ANKRD28: variants seen among roughly 807,000 people sequenced by gnomAD.
The protein encoded by ANKRD28 is serine/threonine-protein phosphatase 6 regulatory ankyrin repeat subunit A.
Under a neutral mutation model 126.5 loss-of-function variants are expected in ANKRD28, and 44 were observed. The observed-to-expected ratio is 0.35, with a 90% CI of 0.27 to 0.45. ANKRD28 has a LOEUF of 0.45. ANKRD28 is among the 20% of genes least tolerant of loss of function. The probability of loss-of-function intolerance (pLI) is 1.00; values close to 1 mark genes in which losing one functional copy is unlikely to be tolerated. For missense variants in ANKRD28, 1,110 were observed against 1,316.6 expected (o/e 0.84, Z 2.43); for synonymous variants, 442 against 468.5 (o/e 0.94, Z 0.73).
chr3:15,766,401 C>T, intron 2 of ANKRD28, 89 bp from the exon 3 acceptor site: 1 of 866,316 alleles, frequency 1.2e-6, no homozygotes, highest in Non-Finnish European at 1.8e-6. Context: ...AACCCCTCCC[C>T]CCACCAAACC....
chr3:15,709,344 A>G (rs1326513523), intron 13 of ANKRD28, among the ~76,000 whole-genome samples: 10 of 152,046 alleles, frequency 6.6e-5, no homozygotes, highest in Non-Finnish European at 1.2e-4. Flanking sequence ...AGGTATTGTG[A>G]GTTTCTTGAA....
At chr3:15,802,133 G>A (rs2060476157), upstream of ANKRD28, among the ~76,000 whole-genome samples, 1 of 152,104 alleles carries the variant, frequency 6.6e-6, no homozygotes, top group African/African-American at 2.4e-5. Flanking sequence ...TTGTAGCTAG[G>A]AGCCACATGA....
chr3:15,763,376 C>CT (rs1430400710), intron 3 of ANKRD28, among the ~76,000 whole-genome samples: 1 of 152,176 alleles, frequency 6.6e-6, no homozygotes, highest in Non-Finnish European at 1.5e-5. Flanking sequence ...GAGACACAGT[C>CT]TAAGCTTATA....
chr3:15,796,348 A>T, intron 1 of ANKRD28, 57 bp downstream of exon 1: 1 of 1,014,254 alleles, frequency 9.9e-7, no homozygotes, highest in South Asian at 2.1e-5. Context: ...TTAAAAAACA[A>T]GATTTATACT....
intron 1 of ANKRD28, among the ~76,000 whole-genome samples, chr3:15,841,494 C>T (rs1467237763): frequency 6.6e-6 from 1 of 151,832 alleles, no homozygotes; most frequent in Non-Finnish European, 1.5e-5. Context: ...GAAGAGACAA[C>T]CCATAGAATG....
chr3:15,835,562 A>C (rs1181667242), intron 1 of ANKRD28, among the ~76,000 whole-genome samples: 1 of 152,220 alleles, frequency 6.6e-6, no homozygotes, highest in Non-Finnish European at 1.5e-5. Context: ...CTGAGGACAG[A>C]ACTCTGTATA....
intron 1 of ANKRD28, among the ~76,000 whole-genome samples, chr3:15,825,133 C>T (rs1489138351): frequency 6.6e-6 from 1 of 152,114 alleles, no homozygotes; most frequent in Non-Finnish European, 1.5e-5. Flanking sequence ...ACTACATTTC[C>T]CAGAATCTCT....
rs1342250599 is a variant in ANKRD28 at position 15,690,020 on chromosome 3, T to C, written c.1962A>G (p.Ala654=). 6.2e-7 allele frequency: 1 copy of C among 1,604,542 alleles called. No homozygotes were observed. Among genetic ancestry groups the C allele is most frequent in the Non-Finnish European group, 8.5e-7 (1 of 1,174,736 alleles). Residue 654 remains alanine, a splice_region_variant and synonymous_variant, in exon 18 of 28, where the codon GCA becomes GCG. Transcript: ENST00000683139. ...AATCAAGCATAATATCTGGCATACC[T>C]GCTGCATGAATAGGTGTCCTCTTCA... ...YILKRTPIHA[A]ATNGHSECLR...
intron 3 of ANKRD28, among the ~76,000 whole-genome samples, chr3:15,762,883 G>A (rs1469408744): frequency 6.6e-6 from 1 of 151,932 alleles, no homozygotes; most frequent in African/African-American, 2.4e-5. Flanking sequence ...CATTTTTTTA[G>A]ATGAGGAAGT....
chr3:15,674,248 G>T (rs1236256404), intron 27 of ANKRD28, among the ~76,000 whole-genome samples: 1 of 146,534 alleles, frequency 6.8e-6, no homozygotes, highest in African/African-American at 2.5e-5. Context: ...ACTTTAAAAG[G>T]ATCCAGGTCA....
chr3:15,706,556 G>T (rs2071453845), intron 14 of ANKRD28, among the ~76,000 whole-genome samples: 1 of 152,120 alleles, frequency 6.6e-6, no homozygotes, highest in Admixed American at 6.6e-5. Context: ...ACATACGTGT[G>T]CATGTGTCTT....
intron 6 of ANKRD28, among the ~76,000 whole-genome samples, chr3:15,730,817 GA>G (rs2074534869): frequency 6.6e-6 from 1 of 152,176 alleles, no homozygotes. Flanking sequence ...TGTGTCCTCC[GA>G]AGTTCATATG....
At chr3:15,782,566 G>A (rs1460148934) in intron 2 of ANKRD28, among the ~76,000 whole-genome samples, 2 of 152,012 alleles carry the variant, frequency 1.3e-5, no homozygotes, top group Non-Finnish European at 2.9e-5. Flanking sequence ...AACTAAATTT[G>A]AAATACAGTC....
At position 15,749,095 on chromosome 3, in the gene ANKRD28, G is replaced by GTTTTTTTTTTTTTTTT. The variant is rs1357402514; in HGVS notation, c.351+2654_351+2655insAAAAAAAAAAAAAAAA. 3.1e-4 allele frequency among the ~76,000 whole-genome samples: 33 copies of GTTTTTTTTTTTTTTTT among 106,988 alleles called. 10 individuals are homozygous for GTTTTTTTTTTTTTTTT. The highest frequency in any genetic ancestry group is 1.7e-3 in the East Asian group (5 of 3,030). 70.2% of individuals were successfully genotyped at this position (106,988 alleles called of 152,430 possible). ...ATTTTCCTTTCATATTCTATATTAT[G>GTTTTTTTTTTTTTTTT]TTTTTGTTTTTTTTTTTTTTTTTTT... On this transcript the variant is annotated intron_variant, in intron 4 of 27. Transcript: ENST00000683139.
chr3:15,784,609 G>GAACAAAAACCAATGA (rs1386087126), intron 2 of ANKRD28, among the ~76,000 whole-genome samples: 2 of 151,878 alleles, frequency 1.3e-5, no homozygotes, highest in Non-Finnish European at 2.9e-5. Flanking sequence ...ACGACCAATG[G>GAACAAAAACCAATGA]TAACAAATAC....
At chr3:15,679,656 AG>A in intron 21 of ANKRD28, 93 bp from the exon 22 acceptor site, 1 of 949,172 alleles carries the variant, frequency 1.1e-6, no homozygotes. Flanking sequence ...AAAATGTAAA[AG>A]TCTCTCCCTC....
At chr3:15,849,710 A>G (rs1232947363) in intron 1 of ANKRD28, among the ~76,000 whole-genome samples, 2 of 151,408 alleles carry the variant, frequency 1.3e-5, no homozygotes, top group African/African-American at 2.4e-5. Context: ...CTCCTAGTTA[A>G]CTCCCCTAGA....
At chr3:15,709,335 G>C (rs974314686) in intron 13 of ANKRD28, among the ~76,000 whole-genome samples, 1 of 152,054 alleles carries the variant, frequency 6.6e-6, no homozygotes, top group African/African-American at 2.4e-5. Flanking sequence ...TTATTTTCTA[G>C]GTATTGTGAG....
At chr3:15,741,185 C>G (rs768259160) in intron 4 of ANKRD28, among the ~76,000 whole-genome samples, 1 of 150,796 alleles carries the variant, frequency 6.6e-6, no homozygotes, top group Admixed American at 6.6e-5. Context: ...GGCGACAGAG[C>G]GAGACTCCAT....
Sources: allele counts gnomAD v4.1 joint callset (sites outside exome capture counted in the v4.1 genomes callset), GRCh38; gene constraint gnomAD v4.1.1; transcripts MANE v1.5; gene names NCBI Gene and HGNC (gene_info 2026-07-23, HGNC 2026-07-21).